Variants in RCL1 observed in about 807,000 individuals in gnomAD.
The protein encoded by RCL1 is RNA 3'-terminal phosphate cyclase-like protein.
RCL1 carries 24 observed loss-of-function variants against 42.4 expected under a neutral mutation model. The observed-to-expected ratio is 0.57, with a 90% CI of 0.41 to 0.80. The LOEUF is 0.80. Among genes scored for constraint, RCL1 ranks in the 30% least tolerant of loss-of-function variants. RCL1 has a pLI of 0.00. For missense variants in RCL1, 578 were observed against 467.9 expected (o/e 1.24, Z -2.17); for synonymous variants, 228 against 177.3 (o/e 1.29, Z -2.27).
chr9:4,815,427 G>T lies in RCL1; in HGVS notation c.137-8121G>T, dbSNP rs74384134. ...TATTATATTTATTTCATTCATTGAA[G>T]TCTTAAGCTGCAGTATTTTTCTTTT... On this transcript the variant is annotated intron_variant, in intron 1 of 8. Coordinates refer to ENST00000381750, the MANE Select transcript of RCL1 (RefSeq NM_005772.5). Among the ~76,000 whole-genome samples, 213 of 149,304 alleles carry T rather than the reference G, an allele frequency of 1.4e-3. 6 individuals carry two copies. The East Asian group carries it at 0.041, about 29-fold the overall frequency.
chr9:4,793,043 C>G lies in RCL1; in HGVS notation c.-49C>G. 6.4e-7 allele frequency: 1 copy of G among 1,573,232 alleles called. No individual in the cohort carries two copies. Among genetic ancestry groups the G allele is most frequent in the Non-Finnish European group, 8.6e-7 (1 of 1,158,334 alleles). On this transcript the variant is annotated 5_prime_UTR_variant, in exon 1 of 9. Coordinates refer to ENST00000381750, the MANE Select transcript of RCL1 (RefSeq NM_005772.5). The stretch of plus-strand genomic sequence containing the variant: ...TCGGAGTCACGAGTCCCGCGTCTGT[C>G]CGAAGTCGCCGCTCTCGGGCTGCTC...
chr9:4,810,645 T>TG (rs34679798), intron 1 of RCL1, among the ~76,000 whole-genome samples: 50,306 of 151,982 alleles, frequency 0.33, 8,878 homozygotes, highest in African/African-American at 0.45. Flanking sequence ...TACAGTCTTT[T>TG]GTGCACATAT....
At chr9:4,802,084 T>A (rs920447476) in intron 1 of RCL1, among the ~76,000 whole-genome samples, 1 of 137,754 alleles carries the variant, frequency 7.3e-6, no homozygotes, top group African/African-American at 3.0e-5. Context: ...ATTTTTTTTT[T>A]TTTTTTTTTT....
rs561290446 is a variant in RCL1, at chr9:4,823,178, A to G, written c.137-370A>G. Among the ~76,000 whole-genome samples, 14 of 151,972 alleles carry G rather than the reference A, an allele frequency of 9.2e-5. No individual in the cohort carries two copies. The South Asian group carries it at 2.7e-3, about 29-fold the overall frequency. On this transcript the variant is annotated intron_variant, in intron 1 of 8. Transcript: ENST00000381750. ...ACTTTAAAATTGTTCCCTACTTTCTACTGTTTCTCCGTTATTTGGCATGTC... is the reference window on the plus strand; with the variant it reads ...ACTTTAAAATTGTTCCCTACTTTCTGCTGTTTCTCCGTTATTTGGCATGTC...
chr9:4,815,205 G>C, intron 1 of RCL1, among the ~76,000 whole-genome samples: 1 of 151,896 alleles, frequency 6.6e-6, no homozygotes. Flanking sequence ...CAGGCTTTCT[G>C]TGCTTCCTTT....
intron 3 of RCL1, among the ~76,000 whole-genome samples, chr9:4,831,925 G>A (rs547100422): frequency 6.6e-6 from 1 of 152,320 alleles, no homozygotes; most frequent in East Asian, 1.9e-4. Flanking sequence ...TGATTTTCTT[G>A]TCTGAGGCAA....
intron 5 of RCL1, among the ~76,000 whole-genome samples, chr9:4,840,858 A>G (rs1329651531): frequency 2.0e-5 from 3 of 152,036 alleles, no homozygotes; most frequent in African/African-American, 7.2e-5. Flanking sequence ...AGAGAATAGA[A>G]AGTGTTCTTA....
At position 4,860,331 on chromosome 9, in the gene RCL1, A is replaced by T; in HGVS notation, c.*56A>T. 6.3e-7 allele frequency: 1 copy of T among 1,577,536 alleles called. No individual in the cohort carries two copies. The highest frequency in any genetic ancestry group is 1.7e-4 in the Middle Eastern group (1 of 6,004). On this transcript the variant is annotated 3_prime_UTR_variant, in exon 9 of 9. Transcript: ENST00000381750. ...ACAGACAAAGCAGAAGCTGCCACGG[A>T]CACCAATGGGACCAAGTCCAAATGG...
At chr9:4,831,113 A>C (rs1053047667) in intron 3 of RCL1, among the ~76,000 whole-genome samples, 8 of 152,188 alleles carry the variant, frequency 5.3e-5, no homozygotes, top group African/African-American at 1.9e-4. Context: ...GTAGGTCCCA[A>C]GCCCTCATCT....
Position 4,797,411 on chromosome 9 carries a change from C to T in RCL1, c.136+4184C>T, listed in dbSNP as rs189035950. 9.7e-4 allele frequency among the ~76,000 whole-genome samples: 148 copies of T among 152,196 alleles called. 2 individuals carry two copies. The highest frequency in any genetic ancestry group is 3.4e-3 in the African/African-American group (139 of 41,482). On this transcript the variant is annotated intron_variant, in intron 1 of 8. Transcript: ENST00000381750. ...TTATGCCTTCTGTAAAGTTCTTCTC[C>T]TAGGTGGTTGTTTCCACGTATTTCT...
intron 1 of RCL1, among the ~76,000 whole-genome samples, chr9:4,816,865 G>A (rs903074543): frequency 3.6e-4 from 55 of 152,136 alleles, no homozygotes; most frequent in African/African-American, 2.9e-4. Flanking sequence ...CGTCCAGGCC[G>A]GAGTGCAGTG....
intron 8 of RCL1, among the ~76,000 whole-genome samples, chr9:4,853,348 G>A (rs919181880): frequency 6.8e-6 from 1 of 147,780 alleles, no homozygotes; most frequent in Admixed American, 6.7e-5. Context: ...TTTTGAGACG[G>A]AGTCTCCTCT....
chr9:4,817,322 G>A (rs1360117897), intron 1 of RCL1, among the ~76,000 whole-genome samples: 3 of 151,688 alleles, frequency 2.0e-5, no homozygotes, highest in Non-Finnish European at 4.4e-5. Context: ...ATGGAGAATC[G>A]TTTACCATAA....
chr9:4,800,845 G>C (rs1842988935), intron 1 of RCL1, among the ~76,000 whole-genome samples: 1 of 151,728 alleles, frequency 6.6e-6, no homozygotes, highest in Admixed American at 6.6e-5. Flanking sequence ...GTAGAGACGG[G>C]GTTTCACTGT....
chr9:4,816,043 T>G (rs912253043), intron 1 of RCL1, among the ~76,000 whole-genome samples: 10 of 152,208 alleles, frequency 6.6e-5, no homozygotes, highest in African/African-American at 2.2e-4. Context: ...CAGTTATTTG[T>G]GTTAAAGTCT....
chr9:4,802,729 T>C (rs1291817055), intron 1 of RCL1, among the ~76,000 whole-genome samples: 1 of 152,260 alleles, frequency 6.6e-6, no homozygotes, highest in Non-Finnish European at 1.5e-5. Context: ...AATTTTATTC[T>C]GTCTTAAGCA....
chr9:4,817,731 A>G (rs1031754583), intron 1 of RCL1, among the ~76,000 whole-genome samples: 3 of 151,832 alleles, frequency 2.0e-5, no homozygotes, highest in African/African-American at 4.8e-5. Context: ...ACCTGGGCTC[A>G]AGTAATTTGC....
At chr9:4,835,724 G>A (rs1049326709) in intron 5 of RCL1, among the ~76,000 whole-genome samples, 1 of 152,190 alleles carries the variant, frequency 6.6e-6, no homozygotes, top group South Asian at 2.1e-4. Flanking sequence ...CGCCGGCTGC[G>A]CCACTTACCA....
chr9:4,802,625 C>T (rs1843023191), intron 1 of RCL1, among the ~76,000 whole-genome samples: 2 of 150,704 alleles, frequency 1.3e-5, no homozygotes, highest in African/African-American at 5.0e-5. Context: ...ACAAAATGTT[C>T]ATTTTTTTTT....
Sources: gnomAD v4.1 joint callset for allele counts (sites outside exome capture counted in the v4.1 genomes callset) on GRCh38, gnomAD v4.1.1 for gene constraint, MANE v1.5 for transcripts, NCBI Gene and HGNC (gene_info 2026-07-23, HGNC 2026-07-21) for gene names.